Variants in BCR observed in about 807,000 individuals in gnomAD.
BCR encodes the protein BCR activator of RhoGEF and GTPase, also known as breakpoint cluster region protein.
A neutral mutation model predicts 138.6 loss-of-function variants in BCR; 58 were observed. That is an observed-to-expected ratio of 0.42 (90% confidence interval 0.34 to 0.52). BCR has a LOEUF of 0.52. Ranked by LOEUF, BCR falls within the 20% of genes least tolerant of loss-of-function variation. BCR has a pLI of 0.06. For synonymous variants in BCR, 786 were observed against 730.1 expected (o/e 1.08, Z -1.23); for missense variants, 1,599 against 1,727.2 (o/e 0.93, Z 1.32).
At position 23,284,232 on chromosome 22, in the gene BCR, G is replaced by A; in HGVS notation, c.2237+134G>A. On this transcript the variant is annotated intron_variant, in intron 9 of 22. Coordinates refer to ENST00000305877, the MANE Select transcript of BCR (RefSeq NM_004327.4). Reference sequence around the variant, plus strand: ...CGTTTCTACTTGGGCACAATGCCAGGCTCCAGGTTAAAGATTGTCACTAGC... The same window carrying A: ...CGTTTCTACTTGGGCACAATGCCAGACTCCAGGTTAAAGATTGTCACTAGC... 14 of 1,347,474 alleles carry A rather than the reference G, an allele frequency of 1.0e-5. 1 individual carries two copies. Among genetic ancestry groups the A allele is most frequent in the Middle Eastern group, 2.1e-4 (1 of 4,696 alleles). 83.5% of individuals were successfully genotyped at this position (1,347,474 alleles called of 1,614,324 possible). A position where few individuals can be genotyped will look rare whatever the true frequency, so the allele number is the denominator to read the frequency against.
chr22:23,290,492 T>TG (rs1414623065), intron 14 of BCR, 79 bp downstream of exon 14: 3 of 1,430,474 alleles, frequency 2.1e-6, no homozygotes, highest in East Asian at 4.6e-5. Context: ...GGGCAGGGTG[T>TG]GGGGAAACAG....
chr22:23,199,327 G>A (rs374628801), intron 1 of BCR: 7 of 518,380 alleles, frequency 1.4e-5, no homozygotes, highest in Non-Finnish European at 2.7e-5. Flanking sequence ...CCATGCCTGT[G>A]TCATCTCCTG....
chr22:23,310,258 T>C, intron 17 of BCR, 66 bp from the exon 18 acceptor site: 1 of 752,280 alleles, frequency 1.3e-6, no homozygotes, highest in Non-Finnish European at 2.3e-6. Context: ...CTCCCAGGGG[T>C]CCTTGGGACC....
At chr22:23,284,378 G>A (rs950781563) in intron 9 of BCR, among the ~76,000 whole-genome samples, 1 of 152,076 alleles carries the variant, frequency 6.6e-6, no homozygotes, top group Non-Finnish European at 1.5e-5. Context: ...TCCGGGAAGC[G>A]TGAGATCAGG....
chr22:23,183,697 A>T (rs1373204460), intron 1 of BCR, among the ~76,000 whole-genome samples: 1 of 152,232 alleles, frequency 6.6e-6, no homozygotes, highest in Non-Finnish European at 1.5e-5. Context: ...ACTGGCCCTC[A>T]GTGCCATGGT....
chr22:23,216,556 G>T (rs1325130625), intron 1 of BCR, among the ~76,000 whole-genome samples: 4 of 152,232 alleles, frequency 2.6e-5, no homozygotes, highest in African/African-American at 9.6e-5. Flanking sequence ...AAAGTGAGAT[G>T]CCCAAAGTGT....
intron 1 of BCR, among the ~76,000 whole-genome samples, chr22:23,248,940 C>G (rs1039114698): frequency 1.3e-5 from 2 of 152,116 alleles, no homozygotes; most frequent in Non-Finnish European, 2.9e-5. Flanking sequence ...GGTTCTGGCT[C>G]TTGGGAGATG....
chr22:23,294,231 C>T (rs1356140935), intron 15 of BCR, among the ~76,000 whole-genome samples: 1 of 152,152 alleles, frequency 6.6e-6, no homozygotes, highest in Non-Finnish European at 1.5e-5. Context: ...CCCATCATTA[C>T]CACCCAGAGT....
intron 9 of BCR, among the ~76,000 whole-genome samples, chr22:23,284,527 G>A (rs1053370557): frequency 6.6e-6 from 1 of 152,128 alleles, no homozygotes; most frequent in Non-Finnish European, 1.5e-5. Flanking sequence ...CACCAGGTTG[G>A]AATGGAGCAA....
chr22:23,201,744 C>T (rs5996485), intron 1 of BCR, among the ~76,000 whole-genome samples: 48 of 152,264 alleles, frequency 3.2e-4, no homozygotes, highest in African/African-American at 9.9e-4. Context: ...TGTGAGCCAC[C>T]GCGCCCGGCC....
At chr22:23,212,282 C>T (rs2072695085) in intron 1 of BCR, among the ~76,000 whole-genome samples, 1 of 152,166 alleles carries the variant, frequency 6.6e-6, no homozygotes, top group South Asian at 2.1e-4. Flanking sequence ...GGCAGACACA[C>T]TGGGTTTGTA....
intron 1 of BCR, among the ~76,000 whole-genome samples, chr22:23,191,744 T>G (rs2072417724): frequency 6.6e-6 from 1 of 152,216 alleles, no homozygotes; most frequent in Admixed American, 6.5e-5. Flanking sequence ...ACACACCATC[T>G]CTGAGATTTT....
chr22:23,217,047 G>A (rs928638907), intron 1 of BCR: 23 of 450,496 alleles, frequency 5.1e-5, no homozygotes, highest in Non-Finnish European at 8.5e-5. Context: ...GACACACGGC[G>A]TGGACACAAG....
intron 1 of BCR, among the ~76,000 whole-genome samples, chr22:23,234,434 G>T (rs1247924625): frequency 1.3e-5 from 2 of 152,208 alleles, no homozygotes; most frequent in Non-Finnish European, 2.9e-5. Context: ...CCAGACTCCA[G>T]CCCGTCCTAA....
intron 8 of BCR, among the ~76,000 whole-genome samples, chr22:23,280,959 G>T (rs1218511511): frequency 6.6e-6 from 1 of 152,202 alleles, no homozygotes; most frequent in African/African-American, 2.4e-5. Flanking sequence ...GCCCTTGCAT[G>T]GGAACACACA....
chr22:23,288,599 C>G (rs2073745894), intron 12 of BCR, among the ~76,000 whole-genome samples: 1 of 152,176 alleles, frequency 6.6e-6, no homozygotes, highest in African/African-American at 2.4e-5. Context: ...CATCTACTCC[C>G]CGCCCCCTGG....
At chr22:23,251,648 G>T (rs1003064140) in intron 1 of BCR, among the ~76,000 whole-genome samples, 2 of 152,370 alleles carry the variant, frequency 1.3e-5, no homozygotes, top group Admixed American at 1.3e-4. Context: ...GGGCAGCCCT[G>T]TGCCCACCCA....
At chr22:23,196,516 G>A (rs1049119735) in intron 1 of BCR, among the ~76,000 whole-genome samples, 18 of 152,136 alleles carry the variant, frequency 1.2e-4, no homozygotes, top group Admixed American at 2.0e-4. Flanking sequence ...CAGTATAGTC[G>A]TCTCTCGATA....
At chr22:23,191,076 G>A (rs548948436) in intron 1 of BCR, among the ~76,000 whole-genome samples, 3 of 152,106 alleles carry the variant, frequency 2.0e-5, no homozygotes, top group African/African-American at 7.2e-5. Flanking sequence ...GGTACTACAG[G>A]CGCGTGCCAC....
Sources: allele counts gnomAD v4.1 joint callset (sites outside exome capture counted in the v4.1 genomes callset), GRCh38; gene constraint gnomAD v4.1.1; transcripts MANE v1.5; gene names NCBI Gene and HGNC (gene_info 2026-07-23, HGNC 2026-07-21).